Variants in SAFB observed in about 807,000 individuals in gnomAD.
SAFB encodes the protein scaffold attachment factor B.
A neutral mutation model predicts 101.6 loss-of-function variants in SAFB; 15 were observed. The observed-to-expected ratio is 0.15, with a 90% CI of 0.10 to 0.23. The LOEUF (loss-of-function observed/expected upper bound fraction) is 0.23, where lower values mean the gene tolerates loss of function less well. Among genes scored for constraint, SAFB ranks in the 10% least tolerant of loss-of-function variants. SAFB has a pLI of 1.00. For missense variants in SAFB, 930 were observed against 1,104.1 expected (o/e 0.84, Z 2.23); for synonymous variants, 449 against 407.5 (o/e 1.10, Z -1.23).
intron 2 of SAFB, among the ~76,000 whole-genome samples, chr19:5,628,958 G>T (rs2053428516): frequency 6.6e-6 from 1 of 152,174 alleles, no homozygotes; most frequent in African/African-American, 2.4e-5. Context: ...TTTGAGGTGG[G>T]TTCTCACTCT....
rs534644693 is a variant in SAFB at position 5,654,561 on chromosome 19, C to T, written c.1755+105C>T. On this transcript the variant is annotated intron_variant, in intron 13 of 20. Coordinates refer to ENST00000588852, the MANE Select transcript of SAFB (RefSeq NM_001201338.2). ...AGCTTCATTTGAAAAAAGCTTTTGTCGGCCGTTTCGAAAATGTAGAAATCT... is the reference window on the plus strand; with the variant it reads ...AGCTTCATTTGAAAAAAGCTTTTGTTGGCCGTTTCGAAAATGTAGAAATCT... 127 of 790,138 alleles carry T rather than the reference C, an allele frequency of 1.6e-4. No individual in the cohort carries two copies. In the Middle Eastern group the frequency reaches 1.7e-3, roughly 10 times the overall value. The allele number at this position is 790,138 out of a possible 1,614,324, so 48.9% of individuals were successfully genotyped here.
rs2053715352 is a variant in SAFB, at chr19:5,641,615, G to A, written c.296G>A (p.Gly99Asp). The change falls in exon 3 of 21, where the codon GGT becomes GAT. Residue 99 changes from glycine (G) to aspartate (D), a missense_variant. Gly to Asp is a moderately conservative substitution (Grantham distance 94). Around this residue, in one of 7 missense-constraint regions of SAFB, gnomAD observed 119 missense variants for 171.4 expected, o/e 0.69. Coordinates refer to ENST00000588852, the MANE Select transcript of SAFB (RefSeq NM_001201338.2). ...TCAGGGCGCAAACCAGAAGAAGAGG[G>A]TGTGGAAGATAACGGGCTGGAGGAA... Reference protein sequence around the residue: ...SSKGRKPEEEGVEDNGLEENS... With the variant: ...SSKGRKPEEEDVEDNGLEENS... The A allele has an allele frequency of 3.1e-6, 5 of 1,614,084 alleles. No homozygotes were observed. The highest frequency in any genetic ancestry group is 4.2e-6 in the Non-Finnish European group (5 of 1,180,010).
intron 14 of SAFB, among the ~76,000 whole-genome samples, chr19:5,658,416 C>A (rs1023457040): frequency 6.6e-6 from 1 of 152,204 alleles, no homozygotes. Context: ...AAGTAAGGAC[C>A]CCCCTGGGCG....
chr19:5,661,371 T>G lies in SAFB; in HGVS notation c.1863-147T>G, dbSNP rs537179668. ...GCTGCTCCTGTGGGCCCGAGAAGCC[T>G]TCTTCCCGCTGGAGTGTACGGTTCT... On this transcript the variant is annotated intron_variant, in intron 14 of 20. Transcript: ENST00000588852. 6.7e-5 allele frequency: 96 copies of G among 1,428,194 alleles called. No individual in the cohort carries two copies. In the African/African-American group the frequency reaches 9.5e-4, roughly 14 times the overall value. 88.5% of individuals were successfully genotyped at this position (1,428,194 alleles called of 1,614,324 possible). A position where few individuals can be genotyped will look rare whatever the true frequency, so the allele number is the denominator to read the frequency against.
intron 1 of SAFB, 83 bp from the exon 2 acceptor site, chr19:5,626,322 A>T: frequency 1.3e-6 from 1 of 793,064 alleles, no homozygotes; most frequent in Middle Eastern, 2.4e-4. Flanking sequence ...TTAAAAATAC[A>T]GTTTCCTTGT....
chr19:5,664,215 T>C, intron 16 of SAFB, 56 bp downstream of exon 16: 1 of 1,586,906 alleles, frequency 6.3e-7, no homozygotes. Flanking sequence ...TCATTCTGAC[T>C]GAGAACAAGG....
At position 5,661,548 on chromosome 19, in the gene SAFB, A is replaced by T; in HGVS notation, c.1893A>T (p.Gln631His). Residue 631 changes from glutamine to histidine, a missense_variant, in exon 15 of 21, where the codon CAA (glutamine) becomes CAT (histidine). Gln to His is a conservative substitution (Grantham distance 24). Coordinates refer to ENST00000588852, the MANE Select transcript of SAFB (RefSeq NM_001201338.2). ...SRVRERSERE[Q>H]RMQAQWEREE... is the part of the protein sequence containing the mutation. ...TGCGTGAACGCAGTGAACGCGAACAACGCATGCAGGCGCAGTGGGAGCGCG... is the reference window on the plus strand; with the variant it reads ...TGCGTGAACGCAGTGAACGCGAACATCGCATGCAGGCGCAGTGGGAGCGCG... 2 of 1,613,032 alleles carry T rather than the reference A, an allele frequency of 1.2e-6. No individual in the cohort carries two copies. Among genetic ancestry groups the T allele is most frequent in the Non-Finnish European group, 1.7e-6 (2 of 1,179,882 alleles).
chr19:5,650,104 C>T (rs1599357340), intron 8 of SAFB, 129 bp downstream of exon 8: 2 of 717,234 alleles, frequency 2.8e-6, no homozygotes, highest in South Asian at 1.6e-5. Flanking sequence ...TGCAGTCTTT[C>T]TCCTTCTCTG....
Position 5,667,663 on chromosome 19 carries a change from C to G in SAFB, c.2558-157C>G, listed in dbSNP as rs2054363877. The stretch of plus-strand genomic sequence containing the variant: ...CCGAGTTCTCTCTGCTGGGAGGAAG[C>G]TGGACGTCTATGGTCCCTGTGCCCA... On this transcript the variant is annotated intron_variant, in intron 19 of 20. Transcript: ENST00000588852. The surrounding 1 kb of genome is among the most constrained non-coding windows in gnomAD (Gnocchi z 4.0). The G allele has an allele frequency of 1.3e-6, 1 of 742,728 alleles. No homozygotes were observed. Among genetic ancestry groups the G allele is most frequent in the Non-Finnish European group, 2.3e-6 (1 of 440,430 alleles). The allele number at this position is 742,728 out of a possible 1,614,324, so 46.0% of individuals were successfully genotyped here.
chr19:5,640,955 G>A lies in SAFB; in HGVS notation c.275-639G>A, dbSNP rs1599339169. Among the ~76,000 whole-genome samples the A allele has an allele frequency of 3.5e-5, 5 of 143,250 alleles. 1 individual carries two copies. In the Admixed American group the frequency reaches 3.5e-4, roughly 10 times the overall value. 94.0% of individuals were successfully genotyped at this position (143,250 alleles called of 152,430 possible). A position where few individuals can be genotyped will look rare whatever the true frequency, so the allele number is the denominator to read the frequency against. The stretch of plus-strand genomic sequence containing the variant: ...TTCTTTTTTTTTTTTTTTTAACCGA[G>A]TTTCGCTCTTGTTGCCCAGGCTGGA... On this transcript the variant is annotated intron_variant, in intron 2 of 20. Coordinates refer to ENST00000588852, the MANE Select transcript of SAFB (RefSeq NM_001201338.2).
Position 5,667,953 on chromosome 19 carries a change from T to G in SAFB, c.2624+67T>G. The G allele has an allele frequency of 6.7e-7, 1 of 1,500,356 alleles. No individual in the cohort carries two copies. 92.9% of individuals were successfully genotyped at this position (1,500,356 alleles called of 1,614,324 possible). ...ATATTGGCCTACCTTGCTGGAGGCT[T>G]AACAACCAAGTCCTTCCAGCTAGTG... On this transcript the variant is annotated intron_variant, in intron 20 of 20. Coordinates refer to ENST00000588852, the MANE Select transcript of SAFB (RefSeq NM_001201338.2). This position sits in a 1 kb window ranked among gnomAD's most constrained non-coding sequence, Gnocchi z 4.0.
Position 5,661,647 on chromosome 19 carries a change from G to T in SAFB, c.1992G>T (p.Met664Ile). The T allele has an allele frequency of 6.2e-7, 1 of 1,612,314 alleles. No homozygotes were observed. The highest frequency in any genetic ancestry group is 8.5e-7 in the Non-Finnish European group (1 of 1,179,632). Reference sequence around the variant, plus strand: ...GCCAGCGGCTGGAGCGGGAGCGCATGGAGCGGGAACGGCTGGAGCGCGAAC... The same window carrying T: ...GCCAGCGGCTGGAGCGGGAGCGCATTGAGCGGGAACGGCTGGAGCGCGAAC... ...FQRQRLERER[M>I]ERERLERERM... Residue 664 changes from methionine (M) to isoleucine (I), a missense_variant, in exon 15 of 21, where the codon ATG (methionine) becomes ATT (isoleucine). Physicochemically the swap from Met to Ile is conservative, Grantham distance 10. Around this residue, in one of 7 missense-constraint regions of SAFB, gnomAD observed 159 missense variants for 234.1 expected, o/e 0.68. Coordinates refer to ENST00000588852, the MANE Select transcript of SAFB (RefSeq NM_001201338.2).
chr19:5,627,696 C>A (rs897850641), intron 2 of SAFB, among the ~76,000 whole-genome samples: 1 of 152,118 alleles, frequency 6.6e-6, no homozygotes, highest in African/African-American at 2.4e-5. Context: ...TTCTCTGTGA[C>A]TTCGCTCCGC....
chr19:5,660,283 C>T (rs1363795828), intron 14 of SAFB, among the ~76,000 whole-genome samples: 2 of 145,310 alleles, frequency 1.4e-5, no homozygotes, highest in Non-Finnish European at 3.0e-5. Flanking sequence ...AATGCTGTGT[C>T]AGTAGTTGGT....
intron 2 of SAFB, among the ~76,000 whole-genome samples, chr19:5,640,624 C>T (rs1203289777): frequency 1.3e-5 from 2 of 152,050 alleles, no homozygotes; most frequent in Non-Finnish European, 2.9e-5. Flanking sequence ...GAGTCTTGCT[C>T]TGTCATCCAG....
chr19:5,649,531 T>C, intron 7 of SAFB, 32 bp downstream of exon 7: 1 of 404,142 alleles, frequency 2.5e-6, no homozygotes, highest in Non-Finnish European at 4.4e-6. Flanking sequence ...GACCAGACGC[T>C]ATCTCCTTTT....
At chr19:5,644,371 A>G (rs1344257826) in intron 4 of SAFB, among the ~76,000 whole-genome samples, 1 of 152,234 alleles carries the variant, frequency 6.6e-6, no homozygotes, top group Admixed American at 6.5e-5. Context: ...AATTAAGCAC[A>G]TCTGTGTGAA....
chr19:5,661,586 G>A lies in SAFB; in HGVS notation c.1931G>A (p.Arg644Gln), dbSNP rs1193311393. ...CAGTGGGAGCGCGAGGAGCGTGAGC[G>A]GCTGGAGATTGCCCGAGAGAGGCTG... Reference protein sequence around the residue: ...QAQWEREERERLEIARERLAF... With the variant: ...QAQWEREEREQLEIARERLAF... Residue 644 changes from arginine to glutamine, a missense_variant, in exon 15 of 21, where the codon CGG becomes CAG. This residue lies in a region of SAFB where 159 missense variants were observed against 234.1 expected (regional missense o/e 0.68). Transcript: ENST00000588852. 6 of 1,612,930 alleles carry A rather than the reference G, an allele frequency of 3.7e-6. No individual in the cohort carries two copies. Among genetic ancestry groups the A allele is most frequent in the South Asian group, 2.2e-5 (2 of 91,070 alleles).
chr19:5,625,101 G>C (rs1375353016), intron 1 of SAFB, among the ~76,000 whole-genome samples: 1 of 152,070 alleles, frequency 6.6e-6, no homozygotes, highest in African/African-American at 2.4e-5. Flanking sequence ...TTCAAGATGT[G>C]GTCCCAAAAC....
Sources: gnomAD v4.1 joint callset for allele counts (sites outside exome capture counted in the v4.1 genomes callset) on GRCh38, gnomAD v4.1.1 for gene constraint, gnomAD v4.1.1 regional missense constraint, Gnocchi (gnomAD v3.1) non-coding constraint, MANE v1.5 for transcripts, NCBI Gene and HGNC (gene_info 2026-07-23, HGNC 2026-07-21) for gene names.